NAALADL2: variants seen among roughly 807,000 people sequenced by gnomAD.
NAALADL2 encodes the protein N-acetylated alpha-linked acidic dipeptidase like 2, also known as inactive N-acetylated-alpha-linked acidic dipeptidase-like protein 2.
Under a neutral mutation model 87.2 loss-of-function variants are expected in NAALADL2, and 76 were observed. The observed-to-expected ratio is 0.87, with a 90% CI of 0.72 to 1.05. NAALADL2 has a LOEUF of 1.05. Ranked by LOEUF, NAALADL2 falls within the 50% of genes least tolerant of loss-of-function variation. The pLI, the probability that NAALADL2 is intolerant of heterozygous loss-of-function variation, is 0.00. For missense variants in NAALADL2, 1,089 were observed against 945.8 expected (o/e 1.15, Z -1.99); for synonymous variants, 354 against 331.0 (o/e 1.07, Z -0.75).
At chr3:175,018,443 T>A (rs1751139917) in intron 1 of NAALADL2, among the ~76,000 whole-genome samples, 3 of 152,056 alleles carry the variant, frequency 2.0e-5, no homozygotes, top group African/African-American at 7.2e-5. Flanking sequence ...TTTTTATTTA[T>A]ACTGCAAATG....
intron 3 of NAALADL2, among the ~76,000 whole-genome samples, chr3:174,762,675 C>T (rs1364664177): frequency 6.6e-6 from 1 of 151,930 alleles, no homozygotes; most frequent in Non-Finnish European, 1.5e-5. Flanking sequence ...CTTCAAAATA[C>T]AAAACATTGC....
intron 3 of NAALADL2, among the ~76,000 whole-genome samples, chr3:174,820,190 C>G (rs978719062): frequency 6.6e-6 from 1 of 152,030 alleles, no homozygotes; most frequent in Non-Finnish European, 1.5e-5. Flanking sequence ...ACAGGTCATA[C>G]CAAAATATGA....
At chr3:174,716,149 C>G (rs1731160199) in intron 2 of NAALADL2, among the ~76,000 whole-genome samples, 1 of 152,000 alleles carries the variant, frequency 6.6e-6, no homozygotes, top group Admixed American at 6.6e-5. Context: ...AATAGAATAT[C>G]CTTAATTATA....
chr3:175,499,515 C>A (rs1729255918), intron 9 of NAALADL2, among the ~76,000 whole-genome samples: 1 of 151,216 alleles, frequency 6.6e-6, no homozygotes, highest in Admixed American at 6.6e-5. Context: ...TAGTCTTATT[C>A]CTGTTTTTAA....
At chr3:175,622,587 C>A (rs1265735108) in intron 10 of NAALADL2, among the ~76,000 whole-genome samples, 2 of 151,992 alleles carry the variant, frequency 1.3e-5, no homozygotes, top group Non-Finnish European at 2.9e-5. Flanking sequence ...ATGTGAATTC[C>A]AGTCCAGATT....
At chr3:175,793,331 C>T (rs1386612150) in intron 13 of NAALADL2, among the ~76,000 whole-genome samples, 2 of 133,936 alleles carry the variant, frequency 1.5e-5, no homozygotes, top group African/African-American at 2.9e-5. Context: ...TTTTTCGAGA[C>T]GGAGTCTCTC....
At chr3:174,898,089 G>A (rs1464642440) in intron 1 of NAALADL2, among the ~76,000 whole-genome samples, 18 of 102,858 alleles carry the variant, frequency 1.7e-4, no homozygotes, top group Non-Finnish European at 2.5e-4. Context: ...CTCCAGCCTG[G>A]GTGACAGAGC....
intron 5 of NAALADL2, among the ~76,000 whole-genome samples, chr3:175,431,882 T>C (rs1717817018): frequency 6.6e-6 from 1 of 152,008 alleles, no homozygotes; most frequent in Non-Finnish European, 1.5e-5. Context: ...AAACCTTAAT[T>C]GCCTTCTCTC....
At chr3:175,567,313 A>T (rs1372243953) in intron 9 of NAALADL2, among the ~76,000 whole-genome samples, 1 of 152,192 alleles carries the variant, frequency 6.6e-6, no homozygotes, top group Non-Finnish European at 1.5e-5. Flanking sequence ...TTGTTGAGGG[A>T]GTAGAGAAGA....
At chr3:174,714,648 G>C (rs1731006325) in intron 2 of NAALADL2, among the ~76,000 whole-genome samples, 1 of 152,142 alleles carries the variant, frequency 6.6e-6, no homozygotes, top group South Asian at 2.1e-4. Flanking sequence ...CATTGATTTT[G>C]TATCCTGAGA....
chr3:175,072,322 AG>A (rs894618765), intron 1 of NAALADL2, among the ~76,000 whole-genome samples: 1 of 152,112 alleles, frequency 6.6e-6, no homozygotes, highest in Non-Finnish European at 1.5e-5. Flanking sequence ...CACTTTCAAA[AG>A]GTTTTATTTA....
intron 5 of NAALADL2, among the ~76,000 whole-genome samples, chr3:175,435,442 T>C (rs1216642342): frequency 1.3e-5 from 2 of 152,096 alleles, no homozygotes; most frequent in Non-Finnish European, 2.9e-5. Flanking sequence ...TTAAGTACCA[T>C]GCTTATGTCT....
intron 13 of NAALADL2, among the ~76,000 whole-genome samples, chr3:175,782,476 ATG>A (rs1198748468): frequency 7.6e-5 from 9 of 118,220 alleles, no homozygotes; most frequent in African/African-American, 2.6e-4. Flanking sequence ...GCATTTTTTC[ATG>A]TGTTTTTTGG....
intron 12 of NAALADL2, among the ~76,000 whole-genome samples, chr3:175,750,281 A>G (rs1411891947): frequency 1.3e-5 from 2 of 152,118 alleles, no homozygotes; most frequent in African/African-American, 4.8e-5. Context: ...AAGGCAGAAG[A>G]TTCCCTGAGC....
intron 3 of NAALADL2, among the ~76,000 whole-genome samples, chr3:174,815,162 A>G (rs1040767243): frequency 6.6e-5 from 10 of 152,196 alleles, no homozygotes; most frequent in African/African-American, 2.4e-4. Context: ...TTTAGCAAGG[A>G]TGAAGTTTTG....
chr3:175,606,916 T>A (rs2149659832), intron 10 of NAALADL2, among the ~76,000 whole-genome samples: 1 of 152,310 alleles, frequency 6.6e-6, no homozygotes, highest in Admixed American at 6.5e-5. Context: ...GTACATATCC[T>A]TAACATAAAA....
At chr3:174,565,569 C>T (rs1273825279) in intron 2 of NAALADL2, among the ~76,000 whole-genome samples, 1 of 152,044 alleles carries the variant, frequency 6.6e-6, no homozygotes, top group Non-Finnish European at 1.5e-5. Flanking sequence ...TATCCACTCA[C>T]TTACTGAAGG....
In NAALADL2 at chr3:175,647,597, A is replaced by G. The variant is rs114248750; in HGVS notation, c.1896+20211A>G. On this transcript the variant is annotated intron_variant, in intron 11 of 13. Transcript: ENST00000454872. ...GGACTGGAAACTACAACCAAGAATC[A>G]TTTGTGAAGACTGAGATCTAATGGG... Among the ~76,000 whole-genome samples the G allele has an allele frequency of 6.7e-3, 1,015 of 152,296 alleles. 9 individuals are homozygous for G. The highest frequency in any genetic ancestry group is 0.023 in the African/African-American group (971 of 41,568).
intron 2 of NAALADL2, among the ~76,000 whole-genome samples, chr3:175,156,413 T>C (rs150106383): frequency 3.3e-3 from 503 of 150,844 alleles, no homozygotes; most frequent in Non-Finnish European, 5.0e-3. Flanking sequence ...GATTAGTGTA[T>C]ATTGAATTCC....
Sources: allele counts gnomAD v4.1 joint callset (sites outside exome capture counted in the v4.1 genomes callset), GRCh38; gene constraint gnomAD v4.1.1; transcripts MANE v1.5; gene names NCBI Gene and HGNC (gene_info 2026-07-23, HGNC 2026-07-21).